SRPK2: variants seen among roughly 807,000 people sequenced by gnomAD.
SRPK2 encodes the protein SFRS protein kinase 2.
SRPK2 carries 21 observed loss-of-function variants against 90.8 expected under a neutral mutation model. That is an observed-to-expected ratio of 0.23 (90% CI 0.16 to 0.33). SRPK2 has a LOEUF of 0.33. Among genes scored for constraint, SRPK2 ranks in the 10% least tolerant of loss-of-function variants. The pLI is 1.00. For missense variants in SRPK2, 620 were observed against 869.0 expected, an observed-to-expected ratio of 0.71 and a Z score of 3.60; for synonymous variants, 288 against 311.1, an observed-to-expected ratio of 0.93 and a Z score of 0.78.
chr7:105,314,757 C>T (rs1253665168), intron 2 of SRPK2, among the ~76,000 whole-genome samples: 1 of 152,160 alleles, frequency 6.6e-6, no homozygotes, highest in African/African-American at 2.4e-5. Flanking sequence ...AAAATGAATG[C>T]TCATAGGTGT....
At chr7:105,281,307 G>A (rs559467848) in intron 2 of SRPK2, among the ~76,000 whole-genome samples, 10 of 152,050 alleles carry the variant, frequency 6.6e-5, no homozygotes, top group Admixed American at 4.6e-4. Context: ...TGTTAGCTGG[G>A]CTGGTCTCAA....
intron 3 of SRPK2, among the ~76,000 whole-genome samples, chr7:105,179,812 A>G (rs116565983): frequency 0.023 from 3,046 of 131,054 alleles, 123 homozygotes; most frequent in African/African-American, 0.083. Flanking sequence ...GCAACACAGT[A>G]AGAGTCCATC....
At chr7:105,240,789 T>C (rs1163873803) in intron 2 of SRPK2, among the ~76,000 whole-genome samples, 1 of 152,188 alleles carries the variant, frequency 6.6e-6, no homozygotes, top group Non-Finnish European at 1.5e-5. Context: ...GCATATTAAA[T>C]ATGCTCAATT....
At chr7:105,223,549 T>A (rs949684393) in intron 2 of SRPK2, among the ~76,000 whole-genome samples, 2 of 152,236 alleles carry the variant, frequency 1.3e-5, no homozygotes, top group African/African-American at 4.8e-5. Flanking sequence ...TCAAACCTTA[T>A]TGACTCCCTG....
chr7:105,171,926 T>C (rs2129590098), intron 3 of SRPK2, among the ~76,000 whole-genome samples: 1 of 152,202 alleles, frequency 6.6e-6, no homozygotes, highest in African/African-American at 2.4e-5. Context: ...GAGACCGAGT[T>C]TCGCTGTTAC....
rs1157869903 is a variant in SRPK2 at position 105,137,218 on chromosome 7, G to A, written c.1544-4114C>T. ...ACTTTAGAAAGAAGCCAGTGTGAACGGTGTAGAATGAATTAGGGAAACAGA... is the reference window on the plus strand; with the variant it reads ...ACTTTAGAAAGAAGCCAGTGTGAACAGTGTAGAATGAATTAGGGAAACAGA... On this transcript the variant is annotated intron_variant, in intron 11 of 15. Coordinates refer to ENST00000393651, the MANE Select transcript of SRPK2 (RefSeq NM_182692.3). Among the ~76,000 whole-genome samples the A allele has an allele frequency of 3.3e-5, 5 of 152,288 alleles. 1 individual carries two copies. The highest frequency in any genetic ancestry group is 6.8e-3 in the Middle Eastern group (2 of 294).
chr7:105,305,002 C>G (rs1295854738), intron 2 of SRPK2, among the ~76,000 whole-genome samples: 2 of 152,214 alleles, frequency 1.3e-5, no homozygotes, highest in African/African-American at 4.8e-5. Context: ...AAACTATCCT[C>G]TAGTCTAAAC....
chr7:105,197,003 C>A (rs972370592), intron 3 of SRPK2, among the ~76,000 whole-genome samples: 3 of 151,916 alleles, frequency 2.0e-5, no homozygotes, highest in Admixed American at 1.3e-4. Context: ...GTGGAGATTG[C>A]AGCATTGCAC....
rs1372854226 is a variant in SRPK2, at chr7:105,388,739, C to T, written c.17-37G>A. On this transcript the variant is annotated intron_variant, in intron 1 of 15. Coordinates refer to ENST00000393651, the MANE Select transcript of SRPK2 (RefSeq NM_182692.3). ...AAGACACACATTAACGGTCGGGCCG[C>T]CCGCCCGGGCTGGCCGCGTGGCGGG... The T allele has an allele frequency of 1.9e-6, 3 of 1,557,182 alleles. No homozygotes were observed. The South Asian group carries it at 3.5e-5, about 18-fold the overall frequency.
At chr7:105,370,362 G>A (rs987741532) in intron 2 of SRPK2, among the ~76,000 whole-genome samples, 2 of 152,050 alleles carry the variant, frequency 1.3e-5, no homozygotes, top group East Asian at 3.9e-4. Context: ...GAGTTTGGGG[G>A]ATACAGGTAC....
intron 2 of SRPK2, among the ~76,000 whole-genome samples, chr7:105,207,395 G>A (rs1028302155): frequency 2.6e-5 from 4 of 152,022 alleles, no homozygotes; most frequent in African/African-American, 9.7e-5. Context: ...GACATGACAG[G>A]TTATCTCACC....
At chr7:105,291,059 A>AAAG (rs1554498422) in intron 2 of SRPK2, among the ~76,000 whole-genome samples, 16 of 151,158 alleles carry the variant, frequency 1.1e-4, no homozygotes, top group East Asian at 1.9e-4. Context: ...AAAAAAAAAA[A>AAAG]AAAAAAGAAA....
chr7:105,254,864 A>T (rs1340207501), intron 2 of SRPK2, among the ~76,000 whole-genome samples: 1 of 151,200 alleles, frequency 6.6e-6, no homozygotes, highest in Non-Finnish European at 1.5e-5. Context: ...TAATTTTTGT[A>T]TTTTTAGTAG....
chr7:105,294,408 A>C (rs1054271866), intron 2 of SRPK2, among the ~76,000 whole-genome samples: 3 of 152,212 alleles, frequency 2.0e-5, no homozygotes, highest in East Asian at 1.9e-4. Flanking sequence ...TTGGTGAAAA[A>C]AAATTCACAG....
In SRPK2 at chr7:105,289,340, A is replaced by C. The variant is rs149019775; in HGVS notation, c.72-85555T>G. Reference sequence around the variant, plus strand: ...CAGTCACATCATTATGTAATAACAAAATCACTCTCAGTGTATACTTAAAAA... The same window carrying C: ...CAGTCACATCATTATGTAATAACAACATCACTCTCAGTGTATACTTAAAAA... On this transcript the variant is annotated intron_variant, in intron 2 of 15. Coordinates refer to ENST00000393651, the MANE Select transcript of SRPK2 (RefSeq NM_182692.3). Among the ~76,000 whole-genome samples, 14 of 152,284 alleles carry C rather than the reference A, an allele frequency of 9.2e-5. No homozygotes were observed. The East Asian group carries it at 2.7e-3, about 29-fold the overall frequency.
chr7:105,147,348 C>T (rs1053334529), intron 7 of SRPK2, among the ~76,000 whole-genome samples: 1 of 152,036 alleles, frequency 6.6e-6, no homozygotes, highest in Non-Finnish European at 1.5e-5. Flanking sequence ...GACAGAGTCT[C>T]GCTCTGTCAC....
chr7:105,151,566 C>T (rs888902507), intron 7 of SRPK2, among the ~76,000 whole-genome samples: 24 of 152,126 alleles, frequency 1.6e-4, no homozygotes, highest in African/African-American at 5.6e-4. Flanking sequence ...AGATGGGATC[C>T]CGCTATGTTC....
At chr7:105,152,152 A>C (rs548322282) in intron 7 of SRPK2, among the ~76,000 whole-genome samples, 10 of 151,882 alleles carry the variant, frequency 6.6e-5, no homozygotes, top group African/African-American at 2.2e-4. Flanking sequence ...ATTTTGAACT[A>C]CTTTTTTCTT....
At chr7:105,314,376 A>G (rs1473352217) in intron 2 of SRPK2, among the ~76,000 whole-genome samples, 1 of 151,884 alleles carries the variant, frequency 6.6e-6, no homozygotes, top group Non-Finnish European at 1.5e-5. Flanking sequence ...CCTGGGCAAC[A>G]TGTTTCAAAA....
Sources: gnomAD v4.1 joint callset for allele counts (sites outside exome capture counted in the v4.1 genomes callset) on GRCh38, gnomAD v4.1.1 for gene constraint, MANE v1.5 for transcripts, NCBI Gene and HGNC (gene_info 2026-07-23, HGNC 2026-07-21) for gene names.